Variants in JPT2 observed in about 807,000 individuals in gnomAD.
The protein encoded by JPT2 is Jupiter microtubule associated homolog 2, also known as CRAMP_1 like.
In JPT2, 9 loss-of-function variants were observed where a neutral mutation model predicts 15.9. The observed-to-expected ratio is 0.57, with a 90% CI of 0.34 to 0.99. The LOEUF (loss-of-function observed/expected upper bound fraction) is 0.99. Ranked by LOEUF, JPT2 falls within the 50% of genes least tolerant of loss-of-function variation. The probability of loss-of-function intolerance (pLI) is 0.02; values close to 1 mark genes in which losing one functional copy is unlikely to be tolerated. For synonymous variants in JPT2, 95 were observed against 91.7 expected, an observed-to-expected ratio of 1.04 and a Z score of -0.21; for missense variants, 267 against 252.1, an observed-to-expected ratio of 1.06 and a Z score of -0.40.
intron 2 of JPT2, chr16:1,690,039 T>A (rs745480208): frequency 6.6e-6 from 1 of 152,284 alleles, no homozygotes; most frequent in Non-Finnish European, 1.5e-5. Context: ...AGGTGTTCTG[T>A]TACCACCTGC....
At position 1,678,309 on chromosome 16, in the gene JPT2, C is replaced by G; in HGVS notation, c.-4C>G. On this transcript the variant is annotated 5_prime_UTR_variant, in exon 1 of 5. Coordinates refer to ENST00000248098, the MANE Select transcript of JPT2 (RefSeq NM_144570.3). ...GCGGCGAGCTGAGGGTGGCGGCGGT[C>G]GACATGTTCCAGGTCCCGGATAGCG... 1 of 1,237,470 alleles carries G rather than the reference C, an allele frequency of 8.1e-7. No individual in the cohort carries two copies. Among genetic ancestry groups the G allele is most frequent in the Non-Finnish European group, 1.0e-6 (1 of 987,528 alleles). 76.7% of individuals were successfully genotyped at this position (1,237,470 alleles called of 1,614,324 possible). A position where few individuals can be genotyped will look rare whatever the true frequency, so the allele number is the denominator to read the frequency against.
intron 2 of JPT2, chr16:1,688,889 T>G (rs1408132505): frequency 6.6e-6 from 1 of 152,246 alleles, no homozygotes; most frequent in African/African-American, 2.4e-5. Context: ...ATATGTGGTA[T>G]GACTACCTAG....
At chr16:1,681,630 G>A (rs934092404) in intron 1 of JPT2, among the ~76,000 whole-genome samples, 3 of 152,168 alleles carry the variant, frequency 2.0e-5, no homozygotes, top group Non-Finnish European at 4.4e-5. Context: ...CACAGACACT[G>A]AAACCACCTG....
downstream of JPT2, chr16:1,702,233 T>G (rs1319446274): frequency 2.3e-6 from 1 of 443,076 alleles, no homozygotes; most frequent in East Asian, 7.0e-5. Context: ...CGGGGCCAGA[T>G]GAGATGAAAG....
chr16:1,689,851 C>G (rs1295308448), intron 2 of JPT2: 1 of 152,176 alleles, frequency 6.6e-6, no homozygotes, highest in Non-Finnish European at 1.5e-5. Context: ...CTGACCCAGG[C>G]AGTCTGGCCA....
rs185842990 is a variant in JPT2 at position 1,701,511 on chromosome 16, T to C, written c.*2513T>C. 68 of 152,322 alleles carry C rather than the reference T, an allele frequency of 4.5e-4. No homozygotes were observed. Among genetic ancestry groups the C allele is most frequent in the African/African-American group, 1.6e-3 (67 of 41,592 alleles). The allele number at this position is 152,322 out of a possible 1,614,324, so 9.4% of individuals were successfully genotyped here. On this transcript the variant is annotated 3_prime_UTR_variant, in exon 5 of 5. Coordinates refer to ENST00000248098, the MANE Select transcript of JPT2 (RefSeq NM_144570.3). ...AAAGAGTTTGCCTTGTTTTGTTTTG[T>C]TGTTTTGTATTTAGCCAGAGGATGC...
At position 1,700,136 on chromosome 16, in the gene JPT2, A is replaced by G; in HGVS notation, c.*1138A>G. On this transcript the variant is annotated 3_prime_UTR_variant, in exon 5 of 5. Coordinates refer to ENST00000248098, the MANE Select transcript of JPT2 (RefSeq NM_144570.3). The stretch of plus-strand genomic sequence containing the variant: ...AGAGCTGTGGAGGCCACCCTCTACA[A>G]AGCTTTATAGAACTTCTGGATCTAA... 1 of 456,068 alleles carries G rather than the reference A, an allele frequency of 2.2e-6. No homozygotes were observed. Among genetic ancestry groups the G allele is most frequent in the Non-Finnish European group, 4.4e-6 (1 of 226,778 alleles). The allele number at this position is 456,068 out of a possible 1,614,324, so 28.3% of individuals were successfully genotyped here.
chr16:1,692,853 G>A (rs1316138667), intron 3 of JPT2, among the ~76,000 whole-genome samples: 3 of 152,232 alleles, frequency 2.0e-5, no homozygotes, highest in Admixed American at 1.3e-4. Context: ...GTTACTTAAC[G>A]CCTAGAAAAC....
intron 3 of JPT2, among the ~76,000 whole-genome samples, chr16:1,694,233 G>T (rs2037125081): frequency 6.6e-6 from 1 of 152,188 alleles, no homozygotes; most frequent in Non-Finnish European, 1.5e-5. Context: ...ATCACAAAAT[G>T]AGAGAGAACC....
chr16:1,691,407 G>C (rs1430902053), intron 2 of JPT2, among the ~76,000 whole-genome samples: 6 of 152,206 alleles, frequency 3.9e-5, no homozygotes, highest in East Asian at 1.9e-4. Flanking sequence ...GGTTTCCCTT[G>C]AATAGGGCAT....
intron 1 of JPT2, chr16:1,680,382 A>G (rs2037012924): frequency 9.5e-7 from 1 of 1,056,382 alleles, no homozygotes; most frequent in South Asian, 2.5e-5. Flanking sequence ...GGGCCGCACT[A>G]AAGTCATACT....
At chr16:1,696,585 A>G (rs951705931) in intron 3 of JPT2, among the ~76,000 whole-genome samples, 5 of 152,204 alleles carry the variant, frequency 3.3e-5, no homozygotes, top group Non-Finnish European at 7.3e-5. Flanking sequence ...ATCATTTCTG[A>G]TAAGGAGTTA....
intron 3 of JPT2, among the ~76,000 whole-genome samples, chr16:1,697,150 T>G (rs1179975232): frequency 6.6e-6 from 1 of 152,246 alleles, no homozygotes; most frequent in Non-Finnish European, 1.5e-5. Flanking sequence ...TGACACACGC[T>G]ACAGCATGGA....
intron 3 of JPT2, among the ~76,000 whole-genome samples, chr16:1,696,010 C>A (rs2037138731): frequency 6.6e-6 from 1 of 152,126 alleles, no homozygotes; most frequent in South Asian, 2.1e-4. Context: ...GGGCAGATCA[C>A]CTGAGGTCAA....
chr16:1,684,537 T>C (rs2142221833), intron 1 of JPT2, among the ~76,000 whole-genome samples: 1 of 152,080 alleles, frequency 6.6e-6, no homozygotes, highest in South Asian at 2.1e-4. Context: ...GGTCAGGAGT[T>C]CGAGACCAAC....
chr16:1,693,037 A>G (rs929640258), intron 3 of JPT2, among the ~76,000 whole-genome samples: 3 of 152,180 alleles, frequency 2.0e-5, no homozygotes, highest in Non-Finnish European at 4.4e-5. Flanking sequence ...ATCTCTTTCC[A>G]GTGTATAGAG....
chr16:1,694,213 G>A (rs575479318), intron 3 of JPT2, among the ~76,000 whole-genome samples: 2 of 152,298 alleles, frequency 1.3e-5, no homozygotes, highest in Non-Finnish European at 2.9e-5. Context: ...GTTCATCAGT[G>A]GCCGTTAACA....
rs2142225547 is a variant in JPT2 at position 1,689,627 on chromosome 16, G to C, written c.194-2216G>C. 1.3e-5 allele frequency: 2 copies of C among 152,166 alleles called. 1 individual carries two copies. The highest frequency in any genetic ancestry group is 4.1e-4 in the South Asian group (2 of 4,824). The allele number at this position is 152,166 out of a possible 1,614,324, so 9.4% of individuals were successfully genotyped here. A position where few individuals can be genotyped will look rare whatever the true frequency, so the allele number is the denominator to read the frequency against. On this transcript the variant is annotated intron_variant, in intron 2 of 4. Transcript: ENST00000248098. ...AGGCTAATTTTAAAATATTTTTGTAGAGACAAGGTCTCACTTGTTTCCCAC... is the reference window on the plus strand; with the variant it reads ...AGGCTAATTTTAAAATATTTTTGTACAGACAAGGTCTCACTTGTTTCCCAC...
intron 2 of JPT2, chr16:1,688,456 T>C (rs1416035592): frequency 1.3e-5 from 2 of 152,360 alleles, no homozygotes; most frequent in South Asian, 2.1e-4. Flanking sequence ...TCAGATGATA[T>C]ATGAGTTTAA....
Sources: allele counts gnomAD v4.1 joint callset (sites outside exome capture counted in the v4.1 genomes callset), GRCh38; gene constraint gnomAD v4.1.1; transcripts MANE v1.5; gene names NCBI Gene and HGNC (gene_info 2026-07-23, HGNC 2026-07-21).